The following LGI2 variants were observed in gnomAD, a reference collection of about 807,000 sequenced individuals.
LGI2 encodes leucine-rich repeat LGI family member 2.
Under a neutral mutation model 52.0 loss-of-function variants are expected in LGI2, and 30 were observed. The ratio of observed to expected loss-of-function variants is 0.58; its 90% CI spans 0.43 to 0.78. LGI2 has a LOEUF of 0.78. Among genes scored for constraint, LGI2 ranks in the 30% least tolerant of loss-of-function variants. LGI2 has a pLI of 0.00. For missense variants in LGI2, 573 were observed against 692.5 expected, an observed-to-expected ratio of 0.83 and a Z score of 1.94; for synonymous variants, 270 against 271.8, an observed-to-expected ratio of 0.99 and a Z score of 0.06.
intron 4 of LGI2, among the ~76,000 whole-genome samples, chr4:25,023,043 A>G (rs546553073): frequency 6.8e-6 from 1 of 148,046 alleles, no homozygotes; most frequent in African/African-American, 2.5e-5. Context: ...GACTTAATGC[A>G]TGGAGGGAAG....
rs550214043 is a variant in LGI2 at position 25,004,908 on chromosome 4, A to T, written c.821-640T>A. ...GCAACCCAAGTTGCTTCAATGGACA[A>T]ATAGATAGACAAAATGTGGCATATA... On this transcript the variant is annotated intron_variant, in intron 7 of 7. Transcript: ENST00000382114. This position sits in a 1 kb window ranked among gnomAD's most constrained non-coding sequence, Gnocchi z 4.6. Among the ~76,000 whole-genome samples the T allele has an allele frequency of 7.9e-5, 12 of 152,242 alleles. No individual in the cohort carries two copies. The highest frequency in any genetic ancestry group is 1.8e-4 in the Non-Finnish European group (12 of 68,046).
In LGI2 at chr4:25,002,892, C is replaced by T. The variant is rs1467328427; in HGVS notation, c.*559G>A. Reference sequence around the variant, plus strand: ...CATGACAAGCATTCATATGAGCCAACAAAATCACCAAGGTTCTGCTATTAA... The same window carrying T: ...CATGACAAGCATTCATATGAGCCAATAAAATCACCAAGGTTCTGCTATTAA... On this transcript the variant is annotated 3_prime_UTR_variant, in exon 8 of 8. Transcript: ENST00000382114. 6.6e-6 allele frequency: 1 copy of T among 152,334 alleles called. No individual in the cohort carries two copies. Among genetic ancestry groups the T allele is most frequent in the African/African-American group, 2.4e-5 (1 of 41,460 alleles). The allele number at this position is 152,334 out of a possible 1,614,324, so 9.4% of individuals were successfully genotyped here.
downstream of LGI2, among the ~76,000 whole-genome samples, chr4:24,997,101 G>T (rs903480357): frequency 1.3e-5 from 2 of 152,206 alleles, no homozygotes; most frequent in African/African-American, 4.8e-5. Flanking sequence ...TTCCATCTCA[G>T]CTTTGCTGCC....
Position 25,021,694 on chromosome 4 carries a change from G to A in LGI2, c.414-2456C>T, listed in dbSNP as rs532853723. ...CACCTATAATCCCAACACTTTGGGA[G>A]GCCGAGGTGGGTGGATCATGAGGTC... On this transcript the variant is annotated intron_variant, in intron 4 of 7. Coordinates refer to ENST00000382114, the MANE Select transcript of LGI2 (RefSeq NM_018176.4). Among the ~76,000 whole-genome samples the A allele has an allele frequency of 3.9e-5, 6 of 152,226 alleles. No homozygotes were observed. The South Asian group carries it at 1.2e-3, about 32-fold the overall frequency.
At chr4:25,012,621 G>T in intron 6 of LGI2, 122 bp from the exon 7 acceptor site, 8 of 967,584 alleles carry the variant, frequency 8.3e-6, no homozygotes, top group Non-Finnish European at 9.3e-6. Flanking sequence ...AGGAGGATAG[G>T]AGAGATGCAA....
At chr4:25,020,283 C>T (rs979960235) in intron 4 of LGI2, among the ~76,000 whole-genome samples, 1 of 152,306 alleles carries the variant, frequency 6.6e-6, no homozygotes, top group East Asian at 1.9e-4. Context: ...CATTCTAAGA[C>T]GTCTTAGTCC....
rs779034737 is a variant in LGI2 at position 25,018,061 on chromosome 4, T to C, written c.583A>G (p.Ile195Val). The C allele has an allele frequency of 6.8e-6, 11 of 1,613,800 alleles. No individual in the cohort carries two copies. The highest frequency in any genetic ancestry group is 8.5e-6 in the Non-Finnish European group (10 of 1,179,944). The part of the protein sequence containing the change: ...TNSTVSDVLC[I>V]GPPEYQEKKL... ...TTTTCCTGATACTCTGGTGGACCAATACACAGCACATCAGAAACGGTGGAA... is the reference window on the plus strand; with the variant it reads ...TTTTCCTGATACTCTGGTGGACCAACACACAGCACATCAGAAACGGTGGAA... The change falls in exon 6 of 8, where the codon ATT becomes GTT. Residue 195 changes from isoleucine to valine, a missense_variant. Coordinates refer to ENST00000382114, the MANE Select transcript of LGI2 (RefSeq NM_018176.4).
intron 7 of LGI2, among the ~76,000 whole-genome samples, chr4:25,006,702 T>C (rs894501324): frequency 6.6e-6 from 1 of 152,248 alleles, no homozygotes; most frequent in East Asian, 1.9e-4. Context: ...CATTTACTTA[T>C]TTAATCGTTA....
rs2109402479 is a variant in LGI2 at position 25,002,656 on chromosome 4, G to A, written c.*795C>T. The A allele has an allele frequency of 6.5e-6, 1 of 152,762 alleles. No individual in the cohort carries two copies. Among genetic ancestry groups the A allele is most frequent in the African/African-American group, 2.4e-5 (1 of 41,566 alleles). 9.5% of individuals were successfully genotyped at this position (152,762 alleles called of 1,614,324 possible). On this transcript the variant is annotated 3_prime_UTR_variant, in exon 8 of 8. Transcript: ENST00000382114. ...TGGTTACCCACAAACTCAACGGGTG[G>A]GTTCTGAGAAGCAGATGAGCCATGA... is the stretch of plus-strand genomic sequence containing the variant.
rs142931698 is a variant in LGI2, at chr4:25,023,565, C to T, written c.413+1255G>A. On this transcript the variant is annotated intron_variant, in intron 4 of 7. Transcript: ENST00000382114. ...TATTGACAACCCCCTTTGCCAATAT[C>T]GGGGCTTGATGTGAATGGTTTCCTC... Among the ~76,000 whole-genome samples the T allele has an allele frequency of 1.3e-3, 196 of 152,274 alleles. 2 individuals carry two copies. Among genetic ancestry groups the T allele is most frequent in the African/African-American group, 4.4e-3 (184 of 41,544 alleles).
intron 4 of LGI2, among the ~76,000 whole-genome samples, chr4:25,021,478 T>C (rs895764048): frequency 7.2e-5 from 11 of 152,196 alleles, no homozygotes; most frequent in African/African-American, 1.9e-4. Context: ...AAATTCCAAA[T>C]AGGAACTTCC....
At chr4:25,017,915 T>C in intron 6 of LGI2, 74 bp downstream of exon 6, 1 of 1,285,420 alleles carries the variant, frequency 7.8e-7, no homozygotes, top group Non-Finnish European at 1.0e-6. Flanking sequence ...TTCCCCAGTC[T>C]CTGTTGACAG....
Position 25,004,228 on chromosome 4 carries a change from A to T in LGI2, c.861T>A (p.Asp287Glu). The T allele has an allele frequency of 6.2e-7, 1 of 1,614,102 alleles. No individual in the cohort carries two copies. Among genetic ancestry groups the T allele is most frequent in the Non-Finnish European group, 8.5e-7 (1 of 1,180,004 alleles). ...IVGCKAILID[D>E]QVFVVVAQLF... Reference sequence around the variant, plus strand: ...GCTGGGCTACCACCACAAAGACCTGATCATCGATGAGAATGGCCTTACAGC... The same window carrying T: ...GCTGGGCTACCACCACAAAGACCTGTTCATCGATGAGAATGGCCTTACAGC... The change falls in exon 8 of 8, where the codon GAT (aspartate) becomes GAA (glutamate). Residue 287 changes from aspartate to glutamate, a missense_variant. By Grantham distance (45) the Asp-to-Glu change is conservative. Transcript: ENST00000382114. This position sits in a 1 kb window ranked among gnomAD's most constrained non-coding sequence, Gnocchi z 4.6.
chr4:25,024,927 C>A (rs764921154), intron 3 of LGI2, 36 bp from the exon 4 acceptor site: 13 of 1,424,632 alleles, frequency 9.1e-6, no homozygotes, highest in Non-Finnish European at 1.1e-5. Context: ...AATGAATTTT[C>A]TCTCCTTAGT....
Position 25,004,290 on chromosome 4 carries a change from A to G in LGI2, c.821-22T>C. 6.3e-7 allele frequency: 1 copy of G among 1,590,516 alleles called. No homozygotes were observed. Among genetic ancestry groups the G allele is most frequent in the Non-Finnish European group, 8.5e-7 (1 of 1,169,628 alleles). On this transcript the variant is annotated intron_variant, in intron 7 of 7. Coordinates refer to ENST00000382114, the MANE Select transcript of LGI2 (RefSeq NM_018176.4). This position sits in a 1 kb window ranked among gnomAD's most constrained non-coding sequence, Gnocchi z 4.6. ...TGACCTGTGCTCCAAAATAAAGGAGAGGACATTAGTGCAACTACAGCTAAA... is the reference window on the plus strand; with the variant it reads ...TGACCTGTGCTCCAAAATAAAGGAGGGGACATTAGTGCAACTACAGCTAAA...
At chr4:25,008,358 C>T (rs958268098) in intron 7 of LGI2, among the ~76,000 whole-genome samples, 1 of 151,816 alleles carries the variant, frequency 6.6e-6, no homozygotes. Flanking sequence ...TTCAAGAACT[C>T]CAAGGCCAAC....
At chr4:25,025,076 G>A (rs961297358) in intron 3 of LGI2, among the ~76,000 whole-genome samples, 185 bp from the exon 4 acceptor site, 6 of 152,160 alleles carry the variant, frequency 3.9e-5, no homozygotes, top group South Asian at 2.1e-4. Flanking sequence ...ATGCGTGCAC[G>A]GGAGTGTGTG....
At chr4:24,995,968 A>C (rs1297327388), downstream of LGI2, among the ~76,000 whole-genome samples, 1 of 152,190 alleles carries the variant, frequency 6.6e-6, no homozygotes, top group East Asian at 1.9e-4. Context: ...TGGTGATGTA[A>C]AGGTGAGCTT....
At chr4:25,014,484 C>CA (rs11443287) in intron 6 of LGI2, among the ~76,000 whole-genome samples, 98,608 of 121,458 alleles carry the variant, frequency 0.81, 39,863 homozygotes, top group East Asian at 0.98. Context: ...CCGCCCCCGC[C>CA]AAAAAAAAGG....
Sources: allele counts gnomAD v4.1 joint callset (sites outside exome capture counted in the v4.1 genomes callset), GRCh38; gene constraint gnomAD v4.1.1; non-coding constraint Gnocchi (gnomAD v3.1); transcripts MANE v1.5; gene names NCBI Gene and HGNC (gene_info 2026-07-23, HGNC 2026-07-21).